Variants in SYNPO2 observed in about 807,000 individuals in gnomAD.
SYNPO2 encodes synaptopodin-2.
Under a neutral mutation model 85.0 loss-of-function variants are expected in SYNPO2, and 56 were observed. The observed-to-expected ratio is 0.66, with a 90% confidence interval of 0.53 to 0.82. SYNPO2 has a LOEUF of 0.82. Among genes scored for constraint, SYNPO2 ranks in the 40% least tolerant of loss-of-function variants. The pLI, the probability that SYNPO2 is intolerant of heterozygous loss-of-function variation, is 0.00. For missense variants in SYNPO2, 1,575 were observed against 1,534.2 expected, an observed-to-expected ratio of 1.03 and a Z score of -0.44; for synonymous variants, 602 against 591.1, an observed-to-expected ratio of 1.02 and a Z score of -0.27.
At chr4:118,922,955 T>C (rs1465250736) in intron 1 of SYNPO2, among the ~76,000 whole-genome samples, 1 of 152,184 alleles carries the variant, frequency 6.6e-6, no homozygotes, top group Non-Finnish European at 1.5e-5. Context: ...AATATATCTT[T>C]AGTTATACAT....
At chr4:118,973,233 A>C (rs946460492) in intron 1 of SYNPO2, among the ~76,000 whole-genome samples, 1 of 152,224 alleles carries the variant, frequency 6.6e-6, no homozygotes, top group Admixed American at 6.5e-5. Context: ...TAGAATTATT[A>C]ATTCAAGGAT....
chr4:118,876,671 TTCTTTCTTTCTTTCTTTC>T (rs1483589157), intron 1 of SYNPO2, among the ~76,000 whole-genome samples: 16 of 2,070 alleles, frequency 7.7e-3, no homozygotes, highest in African/African-American at 0.023. Flanking sequence ...TCCTTTCTCT[TTCTTTCTTTCTTTCTTTC>T]TTTCTTTCTT....
rs894753602 is a variant in SYNPO2, at chr4:119,059,191, G to T, written c.*1257G>T. ...AGGTCCTAAAAGGAATTGTTAGGCGGCAGGCTTTGTGTTACGTGTTACATG... is the reference window on the plus strand; with the variant it reads ...AGGTCCTAAAAGGAATTGTTAGGCGTCAGGCTTTGTGTTACGTGTTACATG... On this transcript the variant is annotated 3_prime_UTR_variant, in exon 5 of 5. Transcript: ENST00000307142. The T allele has an allele frequency of 6.6e-5, 10 of 152,208 alleles. No homozygotes were observed. Among genetic ancestry groups the T allele is most frequent in the Non-Finnish European group, 1.0e-4 (7 of 68,032 alleles). 9.4% of individuals were successfully genotyped at this position (152,208 alleles called of 1,614,324 possible).
chr4:118,903,563 G>C (rs1324560135), intron 1 of SYNPO2, among the ~76,000 whole-genome samples: 3 of 152,100 alleles, frequency 2.0e-5, no homozygotes. Context: ...TTTCATTTTT[G>C]ATAAATATGA....
intron 1 of SYNPO2, among the ~76,000 whole-genome samples, chr4:118,969,773 T>G (rs1180639219): frequency 1.6e-5 from 2 of 127,330 alleles, no homozygotes; most frequent in African/African-American, 5.8e-5. Flanking sequence ...ATTACAAGGT[T>G]TTTTTTTTTT....
intron 4 of SYNPO2, among the ~76,000 whole-genome samples, chr4:119,054,160 G>A (rs544663707): frequency 3.9e-5 from 6 of 152,368 alleles, no homozygotes; most frequent in Non-Finnish European, 7.3e-5. Flanking sequence ...CACTCCGGGC[G>A]CCAGCAGGAG....
intron 1 of SYNPO2, among the ~76,000 whole-genome samples, chr4:118,927,735 G>T (rs147749138): frequency 1.8e-4 from 10 of 55,010 alleles, no homozygotes; most frequent in Admixed American, 3.7e-4. Context: ...TAGATAGATA[G>T]ATAGATAGAT....
intron 1 of SYNPO2, among the ~76,000 whole-genome samples, chr4:119,016,896 G>GCTC (rs1439058567): frequency 6.6e-6 from 1 of 152,132 alleles, no homozygotes; most frequent in Non-Finnish European, 1.5e-5. Flanking sequence ...ACAAATTAGG[G>GCTC]CTCTCATTCC....
At chr4:118,958,625 GA>G (rs79886795) in intron 1 of SYNPO2, among the ~76,000 whole-genome samples, 33,527 of 151,998 alleles carry the variant, frequency 0.22, 4,151 homozygotes, top group Middle Eastern at 0.41. Context: ...TGATGATCCT[GA>G]GTAACTCTGC....
In SYNPO2 at chr4:118,966,605, A is replaced by G. The variant is rs550480660; in HGVS notation, c.106-56825A>G. On this transcript the variant is annotated intron_variant, in intron 1 of 4. Transcript: ENST00000307142. ...GGGCTGCTGCTAGTTCATATGAAGC[A>G]TTTATAAAAATTTAAATTATATAGC... is the stretch of plus-strand genomic sequence containing the variant. Among the ~76,000 whole-genome samples the G allele has an allele frequency of 1.2e-4, 18 of 152,318 alleles. No homozygotes were observed. The South Asian group carries it at 2.9e-3, about 25-fold the overall frequency.
At chr4:118,900,703 C>CTATTTA (rs1732714635) in intron 1 of SYNPO2, among the ~76,000 whole-genome samples, 1 of 43,894 alleles carries the variant, frequency 2.3e-5, no homozygotes, top group Non-Finnish European at 4.6e-5. Context: ...CTCTCTCTCT[C>CTATTTA]TATATATATA....
At chr4:118,857,755 A>AT (rs1404473773) in intron 1 of SYNPO2, among the ~76,000 whole-genome samples, 1 of 152,182 alleles carries the variant, frequency 6.6e-6, no homozygotes, top group African/African-American at 2.4e-5. Context: ...GGTCATGTAG[A>AT]TTTTTCTAGA....
At chr4:118,892,360 G>A (rs1308740945) in intron 1 of SYNPO2, among the ~76,000 whole-genome samples, 4 of 152,056 alleles carry the variant, frequency 2.6e-5, no homozygotes, top group Non-Finnish European at 5.9e-5. Context: ...TGTGATGGGA[G>A]GCAAACATTT....
At position 118,930,883 on chromosome 4, in the gene SYNPO2, A is replaced by C. The variant is rs573943254; in HGVS notation, c.105+41742A>C. ...CAGTGAGCCATGTTAGTGGCACTGC[A>C]CTCCAGCCTGGGCATCACAACACTA... On this transcript the variant is annotated intron_variant, in intron 1 of 4. Coordinates refer to ENST00000307142, the MANE Select transcript of SYNPO2 (RefSeq NM_133477.3). 2.2e-3 allele frequency among the ~76,000 whole-genome samples: 331 copies of C among 149,270 alleles called. 2 individuals carry two copies. Among genetic ancestry groups the C allele is most frequent in the African/African-American group, 7.8e-3 (316 of 40,412 alleles).
Position 118,888,918 on chromosome 4 carries a change from T to G in SYNPO2, c.-119T>G. 1 of 978,064 alleles carries G rather than the reference T, an allele frequency of 1.0e-6. No individual in the cohort carries two copies. The highest frequency in any genetic ancestry group is 1.6e-6 in the Non-Finnish European group (1 of 635,936). The allele number at this position is 978,064 out of a possible 1,614,324, so 60.6% of individuals were successfully genotyped here. A position where few individuals can be genotyped will look rare whatever the true frequency, so the allele number is the denominator to read the frequency against. On this transcript the variant is annotated 5_prime_UTR_variant, in exon 1 of 5. Transcript: ENST00000307142. The stretch of plus-strand genomic sequence containing the variant: ...CAGCGGCTGCAGCAGCGGCGGACGC[T>G]CTGCATTACCCAGTCTTGCGTCCTC...
At chr4:118,890,480 T>C (rs1041272249) in intron 1 of SYNPO2, among the ~76,000 whole-genome samples, 1 of 152,148 alleles carries the variant, frequency 6.6e-6, no homozygotes. Flanking sequence ...AAGGTGGTTT[T>C]GTTGGGTTCC....
intron 1 of SYNPO2, among the ~76,000 whole-genome samples, chr4:118,894,153 A>C (rs1029370909): frequency 6.8e-6 from 1 of 147,316 alleles, no homozygotes; most frequent in Non-Finnish European, 1.5e-5. Context: ...GAAGAGGTTA[A>C]AAAAAAAAGT....
intron 1 of SYNPO2, among the ~76,000 whole-genome samples, chr4:118,851,237 CA>C (rs1414000958): frequency 3.3e-5 from 5 of 152,134 alleles, no homozygotes; most frequent in Non-Finnish European, 7.3e-5. Context: ...AGTCTTTCAA[CA>C]ACTTTTTGGT....
chr4:118,947,374 A>C (rs964153120), intron 1 of SYNPO2, among the ~76,000 whole-genome samples: 1 of 152,182 alleles, frequency 6.6e-6, no homozygotes, highest in Non-Finnish European at 1.5e-5. Context: ...CTTTGTTTCT[A>C]TGCCTGGATT....
Sources: allele counts gnomAD v4.1 joint callset (sites outside exome capture counted in the v4.1 genomes callset), GRCh38; gene constraint gnomAD v4.1.1; transcripts MANE v1.5; gene names NCBI Gene and HGNC (gene_info 2026-07-23, HGNC 2026-07-21).